Variants in ZNF385B observed in about 807,000 individuals in gnomAD.
ZNF385B encodes the protein zinc finger protein 533.
ZNF385B carries 23 observed loss-of-function variants against 39.2 expected under a neutral mutation model. That is an observed-to-expected ratio of 0.59 (90% CI 0.42 to 0.83). The LOEUF is 0.83. Ranked by LOEUF, ZNF385B falls within the 40% of genes least tolerant of loss-of-function variation. The probability of loss-of-function intolerance (pLI) is 0.00; values close to 1 mark genes in which losing one functional copy is unlikely to be tolerated. For synonymous variants in ZNF385B, 205 were observed against 222.6 expected, an observed-to-expected ratio of 0.92 and a Z score of 0.70; for missense variants, 552 against 598.9, an observed-to-expected ratio of 0.92 and a Z score of 0.82.
chr2:179,627,769 T>A (rs1396850102), intron 3 of ZNF385B, among the ~76,000 whole-genome samples: 1 of 151,868 alleles, frequency 6.6e-6, no homozygotes, highest in Non-Finnish European at 1.5e-5. Flanking sequence ...TATTTAATAT[T>A]TTACAAATGT....
chr2:179,448,289 C>G (rs2049718137), intron 6 of ZNF385B, among the ~76,000 whole-genome samples: 1 of 151,906 alleles, frequency 6.6e-6, no homozygotes, highest in African/African-American at 2.4e-5. Context: ...GGCCTGGAAC[C>G]CTCTCATCTA....
chr2:179,750,300 C>G lies in ZNF385B; in HGVS notation c.298+19203G>C, dbSNP rs73973724. Reference sequence around the variant, plus strand: ...GGAACTTCAATCTCAATAAACCCTACAATATCAGTCTCAATTAAATTTATC... The same window carrying G: ...GGAACTTCAATCTCAATAAACCCTAGAATATCAGTCTCAATTAAATTTATC... On this transcript the variant is annotated intron_variant, in intron 3 of 9. Coordinates refer to ENST00000410066, the MANE Select transcript of ZNF385B (RefSeq NM_152520.6). Among the ~76,000 whole-genome samples, 332 of 152,206 alleles carry G rather than the reference C, an allele frequency of 2.2e-3. 4 individuals are homozygous for G. Among genetic ancestry groups the G allele is most frequent in the African/African-American group, 7.7e-3 (320 of 41,534 alleles).
intron 3 of ZNF385B, among the ~76,000 whole-genome samples, chr2:179,630,735 G>A (rs3112956): frequency 0.38 from 57,886 of 151,932 alleles, 11,173 homozygotes; most frequent in African/African-American, 0.45. Context: ...CTAAAGGAGG[G>A]TGTTCGAACC....
At chr2:179,596,852 A>C (rs1302053421) in intron 3 of ZNF385B, among the ~76,000 whole-genome samples, 1 of 152,216 alleles carries the variant, frequency 6.6e-6, no homozygotes, top group Non-Finnish European at 1.5e-5. Context: ...CTAAGCAGCA[A>C]GAGTAAAATG....
intron 6 of ZNF385B, among the ~76,000 whole-genome samples, chr2:179,481,808 C>T (rs1364100127): frequency 6.6e-6 from 1 of 152,202 alleles, no homozygotes; most frequent in Non-Finnish European, 1.5e-5. Context: ...TCAGCAGGCT[C>T]CTGCTCTTCC....
intron 3 of ZNF385B, among the ~76,000 whole-genome samples, chr2:179,641,149 G>A (rs1329185614): frequency 6.6e-6 from 1 of 151,966 alleles, no homozygotes; most frequent in Non-Finnish European, 1.5e-5. Flanking sequence ...GTTTTTCTTT[G>A]TGCTGCTTTA....
intron 3 of ZNF385B, among the ~76,000 whole-genome samples, chr2:179,563,798 CA>C (rs1157301602): frequency 2.0e-5 from 3 of 151,760 alleles, no homozygotes; most frequent in Non-Finnish European, 4.4e-5. Flanking sequence ...GGTTTTCACT[CA>C]AAAAAAAGTC....
chr2:179,764,269 CT>C (rs1337678537), intron 3 of ZNF385B, among the ~76,000 whole-genome samples: 1 of 152,094 alleles, frequency 6.6e-6, no homozygotes, highest in African/African-American at 2.4e-5. Flanking sequence ...ATAGCTACCC[CT>C]GCCTTTATTT....
chr2:179,654,224 C>G (rs377059869), intron 3 of ZNF385B, among the ~76,000 whole-genome samples: 1 of 152,062 alleles, frequency 6.6e-6, no homozygotes, highest in Admixed American at 6.6e-5. Flanking sequence ...ACAGGTATAC[C>G]GTGTCTCCAA....
intron 1 of ZNF385B, among the ~76,000 whole-genome samples, chr2:179,817,172 T>C (rs1707120215): frequency 6.6e-6 from 1 of 152,186 alleles, no homozygotes; most frequent in South Asian, 2.1e-4. Context: ...AATACTAAAT[T>C]GTATCATTGT....
intron 1 of ZNF385B, among the ~76,000 whole-genome samples, chr2:179,856,622 G>GAAAAAAAAAAAAAAAA: frequency 3.6e-5 from 1 of 28,110 alleles, no homozygotes; most frequent in Non-Finnish European, 7.4e-5. Context: ...AGACAGCAGA[G>GAAAAAAAAAAAAAAAA]ACAAAAAAAA....
chr2:179,460,044 C>T (rs1376315368), intron 6 of ZNF385B, among the ~76,000 whole-genome samples: 4 of 151,750 alleles, frequency 2.6e-5, no homozygotes, highest in Admixed American at 6.6e-5. Flanking sequence ...GCAGAGGTTG[C>T]GGTGAGCCGA....
intron 6 of ZNF385B, among the ~76,000 whole-genome samples, chr2:179,461,301 TG>T (rs1200896753): frequency 6.6e-6 from 1 of 152,170 alleles, no homozygotes; most frequent in Non-Finnish European, 1.5e-5. Context: ...GAGAATAGAC[TG>T]TGAAAGGATA....
At chr2:179,576,105 C>T (rs16866800) in intron 3 of ZNF385B, 187,279 of 982,150 alleles carry the variant, frequency 0.19, 18,504 homozygotes, top group African/African-American at 0.22. Flanking sequence ...CACACAGTTA[C>T]CAGGTCTTAC....
chr2:179,640,480 A>C (rs1692171444), intron 3 of ZNF385B, among the ~76,000 whole-genome samples: 1 of 152,170 alleles, frequency 6.6e-6, no homozygotes, highest in Admixed American at 6.6e-5. Context: ...ATAGAGTTCG[A>C]GAGAGTAAGA....
At chr2:179,667,859 T>C (rs901799838) in intron 3 of ZNF385B, among the ~76,000 whole-genome samples, 21 of 152,194 alleles carry the variant, frequency 1.4e-4, no homozygotes, top group African/African-American at 4.3e-4. Context: ...ACATCAGTTG[T>C]ATTTAAGTCC....
chr2:179,808,539 A>C (rs1288257251), intron 1 of ZNF385B, among the ~76,000 whole-genome samples: 2 of 152,250 alleles, frequency 1.3e-5, no homozygotes, highest in East Asian at 3.8e-4. Flanking sequence ...ATTGGGTGGC[A>C]GGTGCATGGT....
intron 3 of ZNF385B, among the ~76,000 whole-genome samples, chr2:179,707,846 A>G (rs562324770): frequency 6.6e-6 from 1 of 152,350 alleles, no homozygotes; most frequent in African/African-American, 2.4e-5. Flanking sequence ...ATAGATAAAC[A>G]GCCTAATGCT....
chr2:179,597,265 C>T (rs1688074747), intron 3 of ZNF385B, among the ~76,000 whole-genome samples: 2 of 152,152 alleles, frequency 1.3e-5, no homozygotes, highest in South Asian at 4.1e-4. Flanking sequence ...TTCTACTTCC[C>T]TTGGTGGTTA....
Sources: allele counts gnomAD v4.1 joint callset (sites outside exome capture counted in the v4.1 genomes callset), GRCh38; gene constraint gnomAD v4.1.1; transcripts MANE v1.5; gene names NCBI Gene and HGNC (gene_info 2026-07-23, HGNC 2026-07-21).